Variants in CLPB observed in about 807,000 individuals in gnomAD.
CLPB encodes the protein ClpB family mitochondrial disaggregase.
In CLPB, 40 loss-of-function variants were observed where a neutral mutation model predicts 78.4. The ratio of observed to expected loss-of-function variants is 0.51; its 90% confidence interval spans 0.40 to 0.66. CLPB has a LOEUF of 0.66. Among genes scored for constraint, CLPB ranks in the 30% least tolerant of loss-of-function variants. The pLI, the probability that CLPB is intolerant of heterozygous loss-of-function variation, is 0.00. For synonymous variants in CLPB, 333 were observed against 348.0 expected (o/e 0.96, Z 0.48); for missense variants, 780 against 886.9 (o/e 0.88, Z 1.53).
chr11:72,426,560 A>G (rs533457506), intron 2 of CLPB, among the ~76,000 whole-genome samples: 1 of 152,138 alleles, frequency 6.6e-6, no homozygotes, highest in South Asian at 2.1e-4. Flanking sequence ...GGAGGGAGGG[A>G]GCGAGGGAGG....
intron 6 of CLPB, among the ~76,000 whole-genome samples, chr11:72,328,884 G>A (rs1480714644): frequency 6.6e-6 from 1 of 150,996 alleles, no homozygotes; most frequent in African/African-American, 2.5e-5. Flanking sequence ...GAAACTTGTG[G>A]CAACAGCAGA....
chr11:72,420,239 G>A (rs954277194), intron 2 of CLPB, among the ~76,000 whole-genome samples: 8 of 152,102 alleles, frequency 5.3e-5, no homozygotes, highest in Admixed American at 1.3e-4. Flanking sequence ...GGTGGCTCAC[G>A]CCTGTAATCC....
chr11:72,294,532 T>C (rs1316368447), intron 13 of CLPB, 88 bp from the exon 14 acceptor site: 4 of 1,609,964 alleles, frequency 2.5e-6, no homozygotes, highest in Non-Finnish European at 3.4e-6. Context: ...ACTGGGGAAA[T>C]TATGGGGCTT....
intron 3 of CLPB, among the ~76,000 whole-genome samples, chr11:72,384,780 A>T (rs926287535): frequency 1.2e-4 from 19 of 152,254 alleles, no homozygotes; most frequent in Admixed American, 6.5e-5. Flanking sequence ...TTTAAGTCCA[A>T]ACTGTAAAAA....
At chr11:72,389,529 G>C (rs895890029) in intron 3 of CLPB, among the ~76,000 whole-genome samples, 6 of 152,188 alleles carry the variant, frequency 3.9e-5, no homozygotes, top group Non-Finnish European at 8.8e-5. Flanking sequence ...ATTAAAGGAG[G>C]CAGAGTAAAA....
intron 4 of CLPB, among the ~76,000 whole-genome samples, chr11:72,371,507 T>G (rs1057265497): frequency 1.3e-5 from 2 of 150,608 alleles, no homozygotes; most frequent in Non-Finnish European, 3.0e-5. Context: ...GACTCCAGCC[T>G]GGGCAACACA....
chr11:72,424,859 C>A (rs1350138678), intron 2 of CLPB, among the ~76,000 whole-genome samples: 1 of 151,752 alleles, frequency 6.6e-6, no homozygotes, highest in South Asian at 2.1e-4. Context: ...GCACTCCAAC[C>A]TGGGGGACAG....
chr11:72,294,239 A>C (rs1555084769), intron 14 of CLPB, 86 bp downstream of exon 14: 2 of 1,609,510 alleles, frequency 1.2e-6, no homozygotes, highest in Non-Finnish European at 1.7e-6. Flanking sequence ...TCCACCTTTT[A>C]TGTGTGTGGG....
chr11:72,419,121 C>A lies in CLPB; in HGVS notation c.455+11191G>T, dbSNP rs1188341774. Among the ~76,000 whole-genome samples the A allele has an allele frequency of 2.6e-5, 4 of 152,214 alleles. No individual in the cohort carries two copies. In the East Asian group the frequency reaches 7.7e-4, roughly 29 times the overall value. On this transcript the variant is annotated intron_variant, in intron 2 of 15. Transcript: ENST00000538039. ...TGAATATTAGAAGCCCAGTAACACA[C>A]TGGCTTGATTGTTTTCAATATTCTT... is the stretch of plus-strand genomic sequence containing the variant.
chr11:72,302,413 A>G, intron 9 of CLPB, 65 bp from the exon 10 acceptor site: 1 of 1,403,136 alleles, frequency 7.1e-7, no homozygotes, highest in Non-Finnish European at 1.0e-6. Flanking sequence ...AGGGTTAGGG[A>G]GGAGAGCACC....
chr11:72,432,784 T>C (rs1416716643), intron 1 of CLPB, among the ~76,000 whole-genome samples: 1 of 151,982 alleles, frequency 6.6e-6, no homozygotes, highest in Non-Finnish European at 1.5e-5. Flanking sequence ...CAAAACAAGA[T>C]CCCCAGTGTT....
chr11:72,427,057 A>G (rs1237214076), intron 2 of CLPB, among the ~76,000 whole-genome samples: 1 of 152,222 alleles, frequency 6.6e-6, no homozygotes, highest in Non-Finnish European at 1.5e-5. Flanking sequence ...GCAGCACTAG[A>G]GCTTTGAAAG....
chr11:72,392,800 A>C (rs1257038733), intron 3 of CLPB, among the ~76,000 whole-genome samples: 2 of 152,188 alleles, frequency 1.3e-5, no homozygotes, highest in African/African-American at 4.8e-5. Context: ...AAGAACCAAG[A>C]TTCAAAACCA....
At chr11:72,354,140 G>A (rs1950663362) in intron 5 of CLPB, 2 of 356,626 alleles carry the variant, frequency 5.6e-6, no homozygotes, top group Non-Finnish European at 4.9e-6. Flanking sequence ...TAAATGGCAG[G>A]GCTGGTACCA....
chr11:72,389,496 G>T (rs190242339), intron 3 of CLPB, among the ~76,000 whole-genome samples: 2 of 152,198 alleles, frequency 1.3e-5, no homozygotes, highest in African/African-American at 4.8e-5. Flanking sequence ...ATAAGGCTAG[G>T]TCTTCACGGT....
At chr11:72,382,249 AT>A (rs1380920075) in intron 3 of CLPB, among the ~76,000 whole-genome samples, 1 of 152,094 alleles carries the variant, frequency 6.6e-6, no homozygotes, top group Non-Finnish European at 1.5e-5. Flanking sequence ...CTCCAGGACC[AT>A]CCCTGTATAC....
At chr11:72,417,248 T>A (rs1328500878) in intron 2 of CLPB, among the ~76,000 whole-genome samples, 1 of 152,228 alleles carries the variant, frequency 6.6e-6, no homozygotes, top group African/African-American at 2.4e-5. Flanking sequence ...GGAATATTAT[T>A]CAGCCACAAA....
chr11:72,297,700 T>TGTGTGTGA (rs1294715631), intron 11 of CLPB, among the ~76,000 whole-genome samples: 21 of 121,966 alleles, frequency 1.7e-4, no homozygotes, highest in Non-Finnish European at 2.0e-4. Context: ...TGTGTGTGTG[T>TGTGTGTGA]GTGACATGTC....
intron 4 of CLPB, among the ~76,000 whole-genome samples, chr11:72,375,682 T>C (rs549429750): frequency 6.6e-6 from 1 of 152,356 alleles, no homozygotes; most frequent in South Asian, 2.1e-4. Context: ...GCGTTGTGAT[T>C]CCTTGTTTAC....
Sources: allele counts gnomAD v4.1 joint callset (sites outside exome capture counted in the v4.1 genomes callset), GRCh38; gene constraint gnomAD v4.1.1; transcripts MANE v1.5; gene names NCBI Gene and HGNC (gene_info 2026-07-23, HGNC 2026-07-21).